RBM28: variants seen among roughly 807,000 people sequenced by gnomAD.
The protein encoded by RBM28 is RNA-binding protein 28.
Under a neutral mutation model 98.3 loss-of-function variants are expected in RBM28, and 78 were observed. That is an observed-to-expected ratio of 0.79 (90% CI 0.66 to 0.96). The LOEUF (loss-of-function observed/expected upper bound fraction) is 0.96, where lower values mean the gene tolerates loss of function less well. Among genes scored for constraint, RBM28 ranks in the 40% least tolerant of loss-of-function variants. The pLI is 0.00. For missense variants in RBM28, 838 were observed against 913.0 expected, an observed-to-expected ratio of 0.92 and a Z score of 1.06; for synonymous variants, 306 against 330.9, an observed-to-expected ratio of 0.92 and a Z score of 0.82.
In RBM28 at chr7:128,317,755, C is replaced by T. The variant is rs750012769; in HGVS notation, c.1714-22G>A. On this transcript the variant is annotated intron_variant, in intron 15 of 18. Coordinates refer to ENST00000223073, the MANE Select transcript of RBM28 (RefSeq NM_018077.3). Reference sequence around the variant, plus strand: ...GTCTCTGTCAGAGGGAGACAGAATGCCATTCATTAGACTTCTTAATCTGTG... The same window carrying T: ...GTCTCTGTCAGAGGGAGACAGAATGTCATTCATTAGACTTCTTAATCTGTG... 2.7e-5 allele frequency: 42 copies of T among 1,554,272 alleles called. 1 individual carries two copies. In the South Asian group the frequency reaches 4.3e-4, roughly 16 times the overall value.
chr7:128,321,726 T>A (rs1400128913), intron 13 of RBM28, among the ~76,000 whole-genome samples: 1 of 152,016 alleles, frequency 6.6e-6, no homozygotes, highest in East Asian at 1.9e-4. Flanking sequence ...TAGATCAAGG[T>A]CTCTGAGCAC....
chr7:128,310,781 C>T lies in RBM28; in HGVS notation c.*16G>A, dbSNP rs1258022829. 1.2e-6 allele frequency: 2 copies of T among 1,613,854 alleles called. No individual in the cohort carries two copies. The highest frequency in any genetic ancestry group is 2.2e-5 in the South Asian group (2 of 91,082). On this transcript the variant is annotated 3_prime_UTR_variant, in exon 19 of 19. Transcript: ENST00000223073. ...AAAGTACACAACCCAGCTTCTTACCCAGCCTGCTGCCATCATCAACTATCA... is the reference window on the plus strand; with the variant it reads ...AAAGTACACAACCCAGCTTCTTACCTAGCCTGCTGCCATCATCAACTATCA...
chr7:128,335,546 T>C lies in RBM28; in HGVS notation c.943A>G (p.Lys315Glu). Residue 315 changes from lysine (K) to glutamate (E), a missense_variant, in exon 8 of 19, where the codon AAA becomes GAA. Coordinates refer to ENST00000223073, the MANE Select transcript of RBM28 (RefSeq NM_018077.3). ...ATTTATGAAAATCCAAACAAACCTT[T>C]ATCCTCTTGCTCCTCAGTGCTGGTA... ...SDTSTEEQED[K>E]AVQVSNKKKR... is the part of the protein sequence containing the mutation. 1.2e-6 allele frequency: 2 copies of C among 1,614,210 alleles called. No individual in the cohort carries two copies. Among genetic ancestry groups the C allele is most frequent in the Middle Eastern group, 1.6e-4 (1 of 6,062 alleles).
At chr7:128,315,741 T>C (rs1796094621) in intron 16 of RBM28, among the ~76,000 whole-genome samples, 1 of 152,134 alleles carries the variant, frequency 6.6e-6, no homozygotes, top group Non-Finnish European at 1.5e-5. Flanking sequence ...TACAATCCTG[T>C]ATCCGATAAA....
chr7:128,335,827 G>A lies in RBM28; in HGVS notation c.809+20C>T. On this transcript the variant is annotated intron_variant, in intron 7 of 18. Transcript: ENST00000223073. ...TCTTGAATCTTCCTCTGCTGTCTCA[G>A]AACAGGATGAGCTGCTTACCTCTTC... The A allele has an allele frequency of 6.2e-7, 1 of 1,614,046 alleles. No homozygotes were observed. Among genetic ancestry groups the A allele is most frequent in the Non-Finnish European group, 8.5e-7 (1 of 1,180,024 alleles).
rs753583992 is a variant in RBM28, at chr7:128,339,799, A to C, written c.119-8T>G. 1.2e-6 allele frequency: 2 copies of C among 1,613,628 alleles called. No individual in the cohort carries two copies. Among genetic ancestry groups the C allele is most frequent in the East Asian group, 4.5e-5 (2 of 44,872 alleles). ...CTCGACATGCCTTACTCCCTGGAAT[A>C]ATGGAGTGGGGAGGGAGTGGAGGGG... is the stretch of plus-strand genomic sequence containing the variant. On this transcript the variant is annotated splice_region_variant and splice_polypyrimidine_tract_variant and intron_variant, in intron 1 of 18. Transcript: ENST00000223073.
chr7:128,334,760 C>T (rs910616918), intron 8 of RBM28, among the ~76,000 whole-genome samples: 2 of 152,204 alleles, frequency 1.3e-5, no homozygotes, highest in Non-Finnish European at 2.9e-5. Flanking sequence ...CATTGAAGCC[C>T]TAACCCCAAA....
In RBM28 at chr7:128,308,400, A is replaced by G. The variant is rs6963848; in HGVS notation, c.*2397T>C. 148,088 of 152,330 alleles carry G rather than the reference A, an allele frequency of 0.97. 72,130 individuals are homozygous for G. Among genetic ancestry groups the G allele is most frequent in the East Asian group, 1 (5,174 of 5,174 alleles). The allele number at this position is 152,330 out of a possible 1,614,324, so 9.4% of individuals were successfully genotyped here. On this transcript the variant is annotated 3_prime_UTR_variant, in exon 19 of 19. Coordinates refer to ENST00000223073, the MANE Select transcript of RBM28 (RefSeq NM_018077.3). ...AAAAGAGTGGTGAGCAGACGGAGAG[A>G]TGGCCAAGGAAAAACAGATCACCTG...
Position 128,300,174 on chromosome 7 carries a change from C to T in RBM28, c.*10623G>A, listed in dbSNP as rs970024228. The T allele has an allele frequency of 6.6e-6, 1 of 152,268 alleles. No individual in the cohort carries two copies. Among genetic ancestry groups the T allele is most frequent in the Non-Finnish European group, 1.5e-5 (1 of 68,066 alleles). 9.4% of individuals were successfully genotyped at this position (152,268 alleles called of 1,614,324 possible). ...CTGGCAGAGGCTTTGGCACATTTCA[C>T]CCCTCCTCTCTTTGTGATTGGTTTT... On this transcript the variant is annotated 3_prime_UTR_variant, in exon 19 of 19. Coordinates refer to ENST00000223073, the MANE Select transcript of RBM28 (RefSeq NM_018077.3).
chr7:128,338,370 T>C (rs1796648530), intron 4 of RBM28, 28 bp from the exon 5 acceptor site: 2 of 1,580,388 alleles, frequency 1.3e-6, no homozygotes, highest in African/African-American at 2.7e-5. Flanking sequence ...AAGAAAGAAG[T>C]GAGAGGCAGC....
chr7:128,330,962 T>A (rs770500447), intron 9 of RBM28, 34 bp from the exon 10 acceptor site: 8 of 1,390,062 alleles, frequency 5.8e-6, no homozygotes. Context: ...ACAAGAAAAG[T>A]CAATTACATA....
chr7:128,299,288 T>C lies in RBM28; in HGVS notation c.*11509A>G. Reference sequence around the variant, plus strand: ...TAGGATTGGCTAATCTGTATAACTTTGGCAGGCCCTGGCTATAGGGATTGT... The same window carrying C: ...TAGGATTGGCTAATCTGTATAACTTCGGCAGGCCCTGGCTATAGGGATTGT... On this transcript the variant is annotated 3_prime_UTR_variant, in exon 19 of 19. Transcript: ENST00000223073. 1 of 152,328 alleles carries C rather than the reference T, an allele frequency of 6.6e-6. No individual in the cohort carries two copies. Among genetic ancestry groups the C allele is most frequent in the South Asian group, 2.1e-4 (1 of 4,828 alleles). 9.4% of individuals were successfully genotyped at this position (152,328 alleles called of 1,614,324 possible).
intron 5 of RBM28, 79 bp downstream of exon 5, chr7:128,338,171 T>C: frequency 9.7e-7 from 1 of 1,029,490 alleles, no homozygotes; most frequent in East Asian, 2.4e-5. Context: ...CTTTTGAAAA[T>C]GCAGAAAGTG....
At chr7:128,318,672 T>G (rs1045695179) in intron 14 of RBM28, among the ~76,000 whole-genome samples, 1 of 152,082 alleles carries the variant, frequency 6.6e-6, no homozygotes, top group African/African-American at 2.4e-5. Context: ...AAAAAGCACA[T>G]AAACAAAACT....
Position 128,343,656 on chromosome 7 carries a change from C to T in RBM28, c.118+20G>A, listed in dbSNP as rs1462527448. 3 of 1,591,442 alleles carry T rather than the reference C, an allele frequency of 1.9e-6. No homozygotes were observed. The African/African-American group carries it at 4.1e-5, about 22-fold the overall frequency. On this transcript the variant is annotated intron_variant, in intron 1 of 18. Coordinates refer to ENST00000223073, the MANE Select transcript of RBM28 (RefSeq NM_018077.3). ...GATCGCAGGAAACCCCAGCCCTATC[C>T]TCGACCGCCCCGCCCCTACCTTTTT...
intron 2 of RBM28, 102 bp from the exon 3 acceptor site, chr7:128,339,423 C>T (rs1796673972): frequency 8.4e-7 from 1 of 1,193,640 alleles, no homozygotes; most frequent in Middle Eastern, 1.9e-4. Context: ...GCATTTACCA[C>T]AGGGTTAAGT....
rs763060626 is a variant in RBM28, at chr7:128,310,820, T to C, written c.2257A>G (p.Arg753Gly). 6.2e-7 allele frequency: 1 copy of C among 1,614,218 alleles called. No individual in the cohort carries two copies. The highest frequency in any genetic ancestry group is 1.1e-5 in the South Asian group (1 of 91,084). The stretch of plus-strand genomic sequence containing the variant: ...CATCAACTATCAAACCATTTGCTCC[T>C]CTTTGCAAGAGGTGCTCCTTTAGAA... The part of the protein sequence containing the change: ...GPSKGAPLAK[R>G]SKWFDS Residue 753 changes from arginine (R) to glycine (G), a missense_variant, in exon 19 of 19, where the codon AGG (arginine) becomes GGG (glycine). Physicochemically the swap from Arg to Gly is moderately radical, Grantham distance 125 (BLOSUM62 -2). Coordinates refer to ENST00000223073, the MANE Select transcript of RBM28 (RefSeq NM_018077.3).
At chr7:128,326,302 C>CAAA (rs773183550) in intron 10 of RBM28, among the ~76,000 whole-genome samples, 2 of 51,226 alleles carry the variant, frequency 3.9e-5, no homozygotes, top group African/African-American at 7.3e-5. Context: ...GACTCCGTCT[C>CAAA]AAAAAAAAAA....
chr7:128,343,826 G>T lies in RBM28; in HGVS notation c.-33C>A. On this transcript the variant is annotated 5_prime_UTR_variant, in exon 1 of 19. Coordinates refer to ENST00000223073, the MANE Select transcript of RBM28 (RefSeq NM_018077.3). ...GGAAACCCAAAGCGCGTGAGGACGC[G>T]AGCAAACTAGGCCGGCGCACGCGAG... is the stretch of plus-strand genomic sequence containing the variant. The T allele has an allele frequency of 6.7e-7, 1 of 1,500,480 alleles. No homozygotes were observed. Among genetic ancestry groups the T allele is most frequent in the East Asian group, 2.5e-5 (1 of 39,994 alleles). 92.9% of individuals were successfully genotyped at this position (1,500,480 alleles called of 1,614,324 possible).
Sources: gnomAD v4.1 joint callset for allele counts (sites outside exome capture counted in the v4.1 genomes callset) on GRCh38, gnomAD v4.1.1 for gene constraint, MANE v1.5 for transcripts, NCBI Gene and HGNC (gene_info 2026-07-23, HGNC 2026-07-21) for gene names.